Variants in SCAF8 observed in about 807,000 individuals in gnomAD.
SCAF8 encodes the protein SR-related CTD associated factor 8.
Under a neutral mutation model 140.5 loss-of-function variants are expected in SCAF8, and 23 were observed. That is an observed-to-expected ratio of 0.16 (90% CI 0.12 to 0.23). SCAF8 has a LOEUF of 0.23. Ranked by LOEUF, SCAF8 falls within the 10% of genes least tolerant of loss-of-function variation. The pLI, the probability that SCAF8 is intolerant of heterozygous loss-of-function variation, is 1.00. For synonymous variants in SCAF8, 575 were observed against 528.9 expected, an observed-to-expected ratio of 1.09 and a Z score of -1.20; for missense variants, 1,397 against 1,555.7, an observed-to-expected ratio of 0.90 and a Z score of 1.72.
At position 154,792,011 on chromosome 6, in the gene SCAF8, AT is replaced by A. The variant is rs1334161825; in HGVS notation, c.322-804del. Among the ~76,000 whole-genome samples, 5 of 151,794 alleles carry A rather than the reference AT, an allele frequency of 3.3e-5. No individual in the cohort carries two copies. The South Asian group carries it at 6.2e-4, about 19-fold the overall frequency. On this transcript the variant is annotated intron_variant, in intron 4 of 19. Coordinates refer to ENST00000367178, the MANE Select transcript of SCAF8 (RefSeq NM_014892.5). ...GCAAGCAGGTTTTTTATTTTTTATT[AT>A]TTTTTTTAATTTACAAAATGGTAAA...
chr6:154,737,430 C>G (rs1386040774), intron 1 of SCAF8, among the ~76,000 whole-genome samples: 1 of 152,142 alleles, frequency 6.6e-6, no homozygotes, highest in Non-Finnish European at 1.5e-5. Flanking sequence ...AATCCCATCC[C>G]TTTGGGAGGC....
At chr6:154,823,331 T>A (rs1013633679) in intron 16 of SCAF8, among the ~76,000 whole-genome samples, 5 of 152,164 alleles carry the variant, frequency 3.3e-5, no homozygotes, top group Admixed American at 3.3e-4. Flanking sequence ...GTTACTATTT[T>A]GAGAATAGGC....
At chr6:154,780,088 A>G (rs1291858753) in intron 3 of SCAF8, among the ~76,000 whole-genome samples, 1 of 152,146 alleles carries the variant, frequency 6.6e-6, no homozygotes. Flanking sequence ...CACCATAGTC[A>G]AGGTACAGAA....
rs1288668306 is a variant in SCAF8 at position 154,833,235 on chromosome 6, C to G, written c.3656C>G (p.Thr1219Arg). 1 of 1,613,954 alleles carries G rather than the reference C, an allele frequency of 6.2e-7. No individual in the cohort carries two copies. Among genetic ancestry groups the G allele is most frequent in the Non-Finnish European group, 8.5e-7 (1 of 1,179,980 alleles). The change falls in exon 20 of 20, where the codon ACA (threonine) becomes AGA (arginine). Residue 1219 changes from threonine to arginine, a missense_variant. Around this residue, in one of 5 missense-constraint regions of SCAF8, gnomAD observed 930 missense variants for 874.6 expected, o/e 1.06. Coordinates refer to ENST00000367178, the MANE Select transcript of SCAF8 (RefSeq NM_014892.5). The stretch of plus-strand genomic sequence containing the variant: ...GTGCCTCAGGTTAATGGTGAAAATA[C>G]AGAGAGACATGCTCAGCCACCACCT... ...DNVPQVNGEN[T>R]ERHAQPPPIP...
At chr6:154,791,236 T>TA (rs1285562224) in intron 4 of SCAF8, among the ~76,000 whole-genome samples, 2 of 152,184 alleles carry the variant, frequency 1.3e-5, no homozygotes, top group African/African-American at 4.8e-5. Context: ...TTTTTCTAGT[T>TA]ACCAAGTTTT....
chr6:154,786,909 T>C (rs1017916968), intron 3 of SCAF8, among the ~76,000 whole-genome samples: 1 of 152,238 alleles, frequency 6.6e-6, no homozygotes. Flanking sequence ...TGCCATTTTA[T>C]GTAGCAAAAA....
chr6:154,791,022 TA>T (rs1448749618), intron 4 of SCAF8, among the ~76,000 whole-genome samples: 2 of 152,210 alleles, frequency 1.3e-5, no homozygotes, highest in Admixed American at 1.3e-4. Context: ...AGGATATTGT[TA>T]CTCTGACATA....
At chr6:154,787,691 T>G (rs1159921903) in intron 3 of SCAF8, among the ~76,000 whole-genome samples, 170 bp from the exon 4 acceptor site, 1 of 152,254 alleles carries the variant, frequency 6.6e-6, no homozygotes, top group Non-Finnish European at 1.5e-5. Context: ...AGTAGATTCT[T>G]TAAAATGCCA....
intron 1 of SCAF8, among the ~76,000 whole-genome samples, chr6:154,747,347 C>A (rs1197975293): frequency 1.3e-5 from 2 of 151,984 alleles, no homozygotes; most frequent in Non-Finnish European, 2.9e-5. Flanking sequence ...AACAATATGT[C>A]TCTACAAAAA....
intron 17 of SCAF8, 89 bp from the exon 18 acceptor site, chr6:154,827,083 A>T: frequency 9.5e-7 from 1 of 1,047,174 alleles, no homozygotes; most frequent in Non-Finnish European, 1.4e-6. Context: ...TTTTAAGAAT[A>T]TGAAGTTTCA....
chr6:154,832,303 A>T lies in SCAF8; in HGVS notation c.2724A>T (p.Leu908Phe). 6.2e-7 allele frequency: 1 copy of T among 1,613,896 alleles called. No homozygotes were observed. The highest frequency in any genetic ancestry group is 8.5e-7 in the Non-Finnish European group (1 of 1,179,976). The change falls in exon 20 of 20, where the codon TTA (leucine) becomes TTT (phenylalanine). Residue 908 changes from leucine (L) to phenylalanine (F), a missense_variant. By Grantham distance (22) the Leu-to-Phe change is conservative (BLOSUM62 0). This residue lies in a region of SCAF8 where 930 missense variants were observed against 874.6 expected (regional missense o/e 1.06). Transcript: ENST00000367178. The part of the protein sequence containing the change: ...GTQPPAGPQN[L>F]PPLSIPNQRM... ...AGCCACCAGCTGGACCTCAAAACTT[A>T]CCCCCTTTAAGTATCCCTAATCAAA...
chr6:154,749,350 A>G (rs1778784525), intron 1 of SCAF8, among the ~76,000 whole-genome samples: 1 of 152,186 alleles, frequency 6.6e-6, no homozygotes, highest in Non-Finnish European at 1.5e-5. Flanking sequence ...AGGTTTTAAT[A>G]GTAATAGCAT....
chr6:154,774,730 T>C (rs1475699250), intron 2 of SCAF8, among the ~76,000 whole-genome samples: 4 of 152,194 alleles, frequency 2.6e-5, no homozygotes, highest in Non-Finnish European at 4.4e-5. Flanking sequence ...TAACCTTTGC[T>C]CTCATAAAGT....
chr6:154,734,414 A>G (rs1348007747), intron 1 of SCAF8, among the ~76,000 whole-genome samples: 1 of 152,142 alleles, frequency 6.6e-6, no homozygotes, highest in African/African-American at 2.4e-5. Flanking sequence ...GTCACGTTAC[A>G]CGTAGTGTTT....
At chr6:154,755,152 C>T (rs952925634) in intron 1 of SCAF8, among the ~76,000 whole-genome samples, 4 of 152,162 alleles carry the variant, frequency 2.6e-5, no homozygotes, top group Non-Finnish European at 2.9e-5. Context: ...TTATCCTCAT[C>T]GCTTCTCCTT....
In SCAF8 at chr6:154,792,984, G is replaced by A; in HGVS notation, c.475+8G>A. ...CTATGAGCAATACTCCAGGTATGTT[G>A]CTTTAATATAGATTTGTTGTCTAAA... On this transcript the variant is annotated splice_region_variant and intron_variant, in intron 5 of 19. Transcript: ENST00000367178. The A allele has an allele frequency of 6.3e-7, 1 of 1,590,878 alleles. No homozygotes were observed. Among genetic ancestry groups the A allele is most frequent in the East Asian group, 2.3e-5 (1 of 44,078 alleles).
intron 1 of SCAF8, among the ~76,000 whole-genome samples, chr6:154,754,424 A>G (rs1378584745): frequency 6.6e-6 from 1 of 152,212 alleles, no homozygotes; most frequent in Non-Finnish European, 1.5e-5. Flanking sequence ...ACTGGGCTAC[A>G]TCTGAGTGCC....
chr6:154,807,916 GGATT>G (rs1374752001), intron 9 of SCAF8, among the ~76,000 whole-genome samples, 150 bp from the exon 10 acceptor site: 2 of 152,060 alleles, frequency 1.3e-5, no homozygotes, highest in African/African-American at 4.8e-5. Flanking sequence ...GTTTAATTTT[GGATT>G]GATTACTTTA....
intron 13 of SCAF8, among the ~76,000 whole-genome samples, chr6:154,816,316 A>G (rs779306778): frequency 6.6e-6 from 1 of 152,164 alleles, no homozygotes; most frequent in South Asian, 2.1e-4. Context: ...ATGTTAGGTA[A>G]GAAAATCAGT....
Sources: allele counts gnomAD v4.1 joint callset (sites outside exome capture counted in the v4.1 genomes callset), GRCh38; gene constraint gnomAD v4.1.1; regional missense constraint gnomAD v4.1.1; transcripts MANE v1.5; gene names NCBI Gene and HGNC (gene_info 2026-07-23, HGNC 2026-07-21).